The following GOLM2 variants were observed in gnomAD, a reference collection of about 807,000 sequenced individuals.
GOLM2 encodes golgi membrane protein 2.
In GOLM2, 26 loss-of-function variants were observed where a neutral mutation model predicts 55.9. The observed-to-expected ratio is 0.47, with a 90% CI of 0.34 to 0.65. GOLM2 has a LOEUF of 0.65. GOLM2 is among the 30% of genes least tolerant of loss of function. GOLM2 has a pLI of 0.01. For synonymous variants in GOLM2, 165 were observed against 194.6 expected (o/e 0.85, Z 1.27); for missense variants, 486 against 531.8 (o/e 0.91, Z 0.85).
At chr15:44,361,098 GC>G (rs1253165408) in intron 6 of GOLM2, among the ~76,000 whole-genome samples, 1 of 150,086 alleles carries the variant, frequency 6.7e-6, no homozygotes, top group Admixed American at 6.7e-5. Flanking sequence ...ACAAGAGAAA[GC>G]AGGAAAGATC....
At chr15:44,324,940 C>T (rs1171662886) in intron 2 of GOLM2, among the ~76,000 whole-genome samples, 2 of 152,082 alleles carry the variant, frequency 1.3e-5, no homozygotes, top group Non-Finnish European at 2.9e-5. Context: ...CTACGGTGAC[C>T]TGGAGCAGCC....
chr15:44,364,024 C>G (rs1222918579), intron 6 of GOLM2, among the ~76,000 whole-genome samples: 32 of 151,086 alleles, frequency 2.1e-4, no homozygotes, highest in Non-Finnish European at 3.5e-4. Context: ...AGGGGAACAT[C>G]ACACTCTGGG....
intron 6 of GOLM2, among the ~76,000 whole-genome samples, chr15:44,341,691 ATTTTTTTTTT>A (rs752182459): frequency 1.7e-5 from 2 of 120,872 alleles, no homozygotes; most frequent in African/African-American, 6.4e-5. Context: ...ATTTTATTAG[ATTTTTTTTTT>A]TTTTTTTTTT....
intron 6 of GOLM2, among the ~76,000 whole-genome samples, chr15:44,369,064 A>AT (rs1567037085): frequency 7.0e-5 from 5 of 71,490 alleles, no homozygotes; most frequent in South Asian, 9.4e-4. Flanking sequence ...ATAATAGGAT[A>AT]TATTATATAT....
chr15:44,334,545 A>G (rs192446095), intron 4 of GOLM2, among the ~76,000 whole-genome samples: 1 of 152,292 alleles, frequency 6.6e-6, no homozygotes, highest in East Asian at 1.9e-4. Flanking sequence ...TGGTTTTCAC[A>G]TTTTCAAATG....
At chr15:44,360,012 T>C (rs2079225997) in intron 6 of GOLM2, among the ~76,000 whole-genome samples, 1 of 151,994 alleles carries the variant, frequency 6.6e-6, no homozygotes. Flanking sequence ...TGAGAGATTT[T>C]GTCACCACCA....
intron 9 of GOLM2, 127 bp downstream of exon 9, chr15:44,403,181 T>G: frequency 9.0e-7 from 1 of 1,114,074 alleles, no homozygotes; most frequent in Non-Finnish European, 1.3e-6. Context: ...TTTTTCTTTG[T>G]GACGGAATTT....
In GOLM2 at chr15:44,415,075, T is replaced by C. The variant is rs547408351; in HGVS notation, c.*1669T>C. The stretch of plus-strand genomic sequence containing the variant: ...ACATTCTAGGCAAAATTCAAACTTA[T>C]AGTGGTAAAGAAACAGGTTGTTCAC... On this transcript the variant is annotated 3_prime_UTR_variant, in exon 10 of 10. Coordinates refer to ENST00000299957, the MANE Select transcript of GOLM2 (RefSeq NM_138423.4). The C allele has an allele frequency of 6.6e-5, 10 of 152,660 alleles. No homozygotes were observed. Among genetic ancestry groups the C allele is most frequent in the Non-Finnish European group, 1.2e-4 (8 of 68,026 alleles). The allele number at this position is 152,660 out of a possible 1,614,324, so 9.5% of individuals were successfully genotyped here. A position where few individuals can be genotyped will look rare whatever the true frequency, so the allele number is the denominator to read the frequency against.
intron 1 of GOLM2, among the ~76,000 whole-genome samples, chr15:44,313,266 A>G (rs2078886597): frequency 6.6e-6 from 1 of 152,084 alleles, no homozygotes; most frequent in Non-Finnish European, 1.5e-5. Context: ...AATAAAAAAT[A>G]TTTGTCTTAC....
At chr15:44,296,044 CTT>C (rs1219330210) in intron 1 of GOLM2, among the ~76,000 whole-genome samples, 2 of 152,070 alleles carry the variant, frequency 1.3e-5, no homozygotes, top group African/African-American at 2.4e-5. Flanking sequence ...TTCTCTCTCT[CTT>C]TGTCTTTTAA....
chr15:44,289,387 A>G lies in GOLM2; in HGVS notation c.327+31A>G. 5 of 1,566,064 alleles carry G rather than the reference A, an allele frequency of 3.2e-6. No individual in the cohort carries two copies. The highest frequency in any genetic ancestry group is 2.3e-5 in the East Asian group (1 of 43,604). ...GACGACCCTTTTCTCTTCAAACCCCATGGTTTCTTTTCTCCCCGGGGTCTG... is the reference window on the plus strand; with the variant it reads ...GACGACCCTTTTCTCTTCAAACCCCGTGGTTTCTTTTCTCCCCGGGGTCTG... On this transcript the variant is annotated intron_variant, in intron 1 of 9. Coordinates refer to ENST00000299957, the MANE Select transcript of GOLM2 (RefSeq NM_138423.4). This position sits in a 1 kb window ranked among gnomAD's most constrained non-coding sequence, Gnocchi z 4.8.
At chr15:44,338,463 G>T in intron 6 of GOLM2, 146 bp downstream of exon 6, 2 of 624,632 alleles carry the variant, frequency 3.2e-6, no homozygotes, top group Non-Finnish European at 5.3e-6. Flanking sequence ...TTAATTGCCA[G>T]GACTTTTTTT....
At chr15:44,320,592 A>G (rs1595624461) in intron 1 of GOLM2, among the ~76,000 whole-genome samples, 1 of 152,334 alleles carries the variant, frequency 6.6e-6, no homozygotes, top group East Asian at 1.9e-4. Flanking sequence ...GGCATAAACC[A>G]CTGTGTCCGA....
At chr15:44,331,125 A>G (rs2079020033) in intron 3 of GOLM2, among the ~76,000 whole-genome samples, 2 of 152,058 alleles carry the variant, frequency 1.3e-5, no homozygotes, top group African/African-American at 4.8e-5. Flanking sequence ...AGCTATTCTC[A>G]TGCCTCAGCC....
chr15:44,396,961 C>A (rs1223004761), intron 8 of GOLM2, among the ~76,000 whole-genome samples: 1 of 152,098 alleles, frequency 6.6e-6, no homozygotes, highest in Non-Finnish European at 1.5e-5. Context: ...TGCTGATAAT[C>A]AAATCATTTT....
At chr15:44,331,116 G>A (rs1399737492) in intron 3 of GOLM2, among the ~76,000 whole-genome samples, 1 of 152,080 alleles carries the variant, frequency 6.6e-6, no homozygotes, top group Non-Finnish European at 1.5e-5. Context: ...CTGGGTTTAA[G>A]CTATTCTCAT....
chr15:44,300,367 A>G (rs2078789560), intron 1 of GOLM2, among the ~76,000 whole-genome samples: 1 of 152,178 alleles, frequency 6.6e-6, no homozygotes, highest in African/African-American at 2.4e-5. Context: ...TTACTGTGCT[A>G]TACACTAAAA....
intron 6 of GOLM2, among the ~76,000 whole-genome samples, chr15:44,376,440 A>G (rs2079365474): frequency 6.6e-6 from 1 of 152,006 alleles, no homozygotes; most frequent in African/African-American, 2.4e-5. Flanking sequence ...AATTGTATTT[A>G]CTTTTAGTAG....
chr15:44,402,280 C>T (rs2079570570), intron 8 of GOLM2, among the ~76,000 whole-genome samples: 1 of 151,390 alleles, frequency 6.6e-6, no homozygotes, highest in Admixed American at 6.6e-5. Context: ...TTTTTTTAAA[C>T]CACTAGGGAT....
Sources: allele counts gnomAD v4.1 joint callset (sites outside exome capture counted in the v4.1 genomes callset), GRCh38; gene constraint gnomAD v4.1.1; non-coding constraint Gnocchi (gnomAD v3.1); transcripts MANE v1.5; gene names NCBI Gene and HGNC (gene_info 2026-07-23, HGNC 2026-07-21).